The following S100Z variants were observed in gnomAD, a reference collection of about 807,000 sequenced individuals.
The protein encoded by S100Z is S100 calcium binding protein Z.
A neutral mutation model predicts 8.5 loss-of-function variants in S100Z; 11 were observed. That is an observed-to-expected ratio of 1.30 (90% CI 0.82 to 2.15). The LOEUF (loss-of-function observed/expected upper bound fraction) is 2.15, where lower values mean the gene tolerates loss of function less well. Ranked by LOEUF, S100Z falls within the 30% of genes most tolerant of loss-of-function variation. The pLI, the probability that S100Z is intolerant of heterozygous loss-of-function variation, is 0.00. For synonymous variants in S100Z, 34 were observed against 43.8 expected (o/e 0.78, Z 0.89); for missense variants, 126 against 117.9 (o/e 1.07, Z -0.32).
chr5:76,910,742 C>T (rs1279067086), intron 4 of S100Z, among the ~76,000 whole-genome samples: 1 of 152,074 alleles, frequency 6.6e-6, no homozygotes, highest in Non-Finnish European at 1.5e-5. Context: ...GCCCTGGGGA[C>T]ATTTAATCAT....
At chr5:76,875,572 G>T in intron 3 of S100Z, 72 bp downstream of exon 3, 1 of 1,360,646 alleles carries the variant, frequency 7.3e-7, no homozygotes, top group Non-Finnish European at 1.0e-6. Flanking sequence ...ACAGCCTTTG[G>T]GTTCATACTG....
rs1343713 is a variant in S100Z at position 76,871,149 on chromosome 5, G to A, written c.-57+865G>A. Among the ~76,000 whole-genome samples the A allele has an allele frequency of 1.9e-3, 283 of 152,058 alleles. 1 individual carries two copies. Among genetic ancestry groups the A allele is most frequent in the African/African-American group, 6.5e-3 (270 of 41,476 alleles). ...CAACCTCACTCTGGTAGCATCACAT[G>A]ACAGATAGCAGACCATGAAGGAAAT... On this transcript the variant is annotated intron_variant, in intron 2 of 4. Transcript: ENST00000317593.
At chr5:76,864,712 A>G (rs377535949) in intron 1 of S100Z, among the ~76,000 whole-genome samples, 1 of 137,046 alleles carries the variant, frequency 7.3e-6, no homozygotes, top group South Asian at 2.3e-4. Flanking sequence ...CTCATTTATT[A>G]TACTTTTTTC....
the S100Z span, among the ~76,000 whole-genome samples, chr5:76,944,191 T>A: frequency 3.9e-5 from 6 of 152,194 alleles, no homozygotes; most frequent in Non-Finnish European, 7.3e-5. Flanking sequence ...CCTGAGGTTT[T>A]ACCATTGAAC....
At chr5:76,926,942 T>C in the S100Z span, among the ~76,000 whole-genome samples, 1 of 152,258 alleles carries the variant, frequency 6.6e-6, no homozygotes, top group Non-Finnish European at 1.5e-5. Flanking sequence ...CTTTTTCATC[T>C]GGATGTTTTG....
the S100Z span, among the ~76,000 whole-genome samples, chr5:76,945,610 A>G: frequency 4.6e-5 from 7 of 152,280 alleles, no homozygotes; most frequent in African/African-American, 1.7e-4. Flanking sequence ...GGAGAGAAGC[A>G]TAAACCTGGC....
At chr5:76,894,243 A>G (rs901456409) in intron 4 of S100Z, among the ~76,000 whole-genome samples, 1 of 152,164 alleles carries the variant, frequency 6.6e-6, no homozygotes, top group Non-Finnish European at 1.5e-5. Context: ...GACAAACTCA[A>G]CCAATTGTCA....
chr5:76,863,661 C>T (rs1171123864), intron 1 of S100Z, among the ~76,000 whole-genome samples: 7 of 152,064 alleles, frequency 4.6e-5, no homozygotes, highest in Non-Finnish European at 8.8e-5. Flanking sequence ...GCCTCAGCCT[C>T]CCAAGTAGCT....
At chr5:76,931,556 G>A in the S100Z span, among the ~76,000 whole-genome samples, 1 of 152,152 alleles carries the variant, frequency 6.6e-6, no homozygotes, top group African/African-American at 2.4e-5. Context: ...GTGAATTAGT[G>A]GGGAGGGGCA....
intron 1 of S100Z, among the ~76,000 whole-genome samples, chr5:76,852,964 A>G (rs1449820188): frequency 6.6e-6 from 1 of 152,196 alleles, no homozygotes; most frequent in African/African-American, 2.4e-5. Flanking sequence ...CACAAGAACC[A>G]GAGCAACATT....
At chr5:76,929,337 G>C in the S100Z span, among the ~76,000 whole-genome samples, 3 of 152,142 alleles carry the variant, frequency 2.0e-5, no homozygotes, top group African/African-American at 7.2e-5. Flanking sequence ...CTTCATCTGG[G>C]AACTCCATTA....
At position 76,864,740 on chromosome 5, in the gene S100Z, C is replaced by T. The variant is rs528785550; in HGVS notation, c.-175-5426C>T. Reference sequence around the variant, plus strand: ...CTTTTTTCTTCTTGAAAGGGAATCTCGCCTGTCACCCAGGTTGGAGTGCAG... The same window carrying T: ...CTTTTTTCTTCTTGAAAGGGAATCTTGCCTGTCACCCAGGTTGGAGTGCAG... On this transcript the variant is annotated intron_variant, in intron 1 of 4. Coordinates refer to ENST00000317593, the MANE Select transcript of S100Z (RefSeq NM_130772.4). Among the ~76,000 whole-genome samples, 15 of 146,590 alleles carry T rather than the reference C, an allele frequency of 1.0e-4. No homozygotes were observed. The South Asian group carries it at 2.0e-3, about 20-fold the overall frequency.
At chr5:76,855,472 CA>C (rs1750856576) in intron 1 of S100Z, among the ~76,000 whole-genome samples, 1 of 152,180 alleles carries the variant, frequency 6.6e-6, no homozygotes, top group African/African-American at 2.4e-5. Flanking sequence ...TCATGTGAGA[CA>C]TGAAGTCAAA....
At chr5:76,930,919 T>G in the S100Z span, among the ~76,000 whole-genome samples, 1 of 152,154 alleles carries the variant, frequency 6.6e-6, no homozygotes, top group Non-Finnish European at 1.5e-5. Flanking sequence ...AGAGGTTTTG[T>G]GGAAATGGAC....
At chr5:76,859,348 G>C (rs1165979563) in intron 1 of S100Z, among the ~76,000 whole-genome samples, 1 of 152,154 alleles carries the variant, frequency 6.6e-6, no homozygotes, top group Non-Finnish European at 1.5e-5. Context: ...GCTGAGAAAA[G>C]AAGGAGTTAG....
chr5:76,933,063 T>C, the S100Z span, among the ~76,000 whole-genome samples: 1 of 152,266 alleles, frequency 6.6e-6, no homozygotes, highest in African/African-American at 2.4e-5. Flanking sequence ...GTGGGAGTTA[T>C]TCTCAAAAGG....
At chr5:76,926,885 C>T in the S100Z span, among the ~76,000 whole-genome samples, 1 of 152,214 alleles carries the variant, frequency 6.6e-6, no homozygotes, top group African/African-American at 2.4e-5. Context: ...TGTATAAACA[C>T]AAGGATTAGG....
intron 4 of S100Z, among the ~76,000 whole-genome samples, chr5:76,919,282 G>C (rs571777306): frequency 6.6e-6 from 1 of 152,256 alleles, no homozygotes; most frequent in African/African-American, 2.4e-5. Context: ...TTCCAAAGTG[G>C]CAGTGCCATT....
chr5:76,857,784 A>C (rs1750928230), intron 1 of S100Z, among the ~76,000 whole-genome samples: 1 of 152,152 alleles, frequency 6.6e-6, no homozygotes, highest in African/African-American at 2.4e-5. Flanking sequence ...TACAGGTATG[A>C]GCCACCGTAC....
Sources: allele counts gnomAD v4.1 joint callset (sites outside exome capture counted in the v4.1 genomes callset), GRCh38; gene constraint gnomAD v4.1.1; transcripts MANE v1.5; gene names NCBI Gene and HGNC (gene_info 2026-07-23, HGNC 2026-07-21).